Variants in TBX4 observed in about 807,000 individuals in gnomAD.
TBX4 encodes T-box transcription factor TBX4.
In TBX4, 13 loss-of-function variants were observed where a neutral mutation model predicts 54.6. The observed-to-expected ratio is 0.24, with a 90% CI of 0.15 to 0.38. The LOEUF is 0.38. TBX4 is among the 10% of genes least tolerant of loss of function. TBX4 has a pLI of 1.00. For synonymous variants in TBX4, 314 were observed against 306.7 expected (o/e 1.02, Z -0.25); for missense variants, 631 against 728.5 (o/e 0.87, Z 1.54).
In TBX4 at chr17:61,465,893, TTG is replaced by T; in HGVS notation, c.358_359del (p.Val120ProfsTer4). 1 of 1,614,164 alleles carries T rather than the reference TTG, an allele frequency of 6.2e-7. No individual in the cohort carries two copies. Among genetic ancestry groups the T allele is most frequent in the Non-Finnish European group, 8.5e-7 (1 of 1,180,022 alleles). On this transcript the variant is annotated frameshift_variant, in exon 4 of 9. Transcript: ENST00000644296. LOFTEE classifies it high-confidence loss of function. The surrounding 1 kb of genome is among the most constrained non-coding windows in gnomAD (Gnocchi z 4.9). ...ACCAAGTATATCCTGCTGATTGACA[TTG>T]TCCCTGCCGATGACCATCGCTACAA...
rs759150888 is a variant in TBX4 at position 61,480,161 on chromosome 17, C to T, written c.863C>T (p.Pro288Leu). The T allele has an allele frequency of 1.1e-5, 17 of 1,614,148 alleles. No individual in the cohort carries two copies. The highest frequency in any genetic ancestry group is 2.7e-5 in the African/African-American group (2 of 75,030). ...RLISPQLSAT[P>L]DVGPLLGTHQ... ...ATCTCCCCCCAGCTCTCAGCCACAC[C>T]GGACGTGGGCCCCCTGCTCGGCACC... The change falls in exon 8 of 9, where the codon CCG becomes CTG. Residue 288 changes from proline to leucine, a missense_variant. By Grantham distance (98) the Pro-to-Leu change is moderately conservative. This residue lies in a region of TBX4 where 354 missense variants were observed against 368.9 expected (regional missense o/e 0.96). Coordinates refer to ENST00000644296, the MANE Select transcript of TBX4 (RefSeq NM_001321120.2). This position sits in a 1 kb window ranked among gnomAD's most constrained non-coding sequence, Gnocchi z 6.2.
At position 61,484,005 on chromosome 17, in the gene TBX4, A is replaced by C. The variant is rs2060686500; in HGVS notation, c.*489A>C. On this transcript the variant is annotated 3_prime_UTR_variant, in exon 9 of 9. Transcript: ENST00000644296. The surrounding 1 kb of genome is among the most constrained non-coding windows in gnomAD (Gnocchi z 4.1). ...CTTCTCTTTGCAAGGGGAGCTGAGAATCTGGTTTTGGTAGCAGGAGGCCCA... is the reference window on the plus strand; with the variant it reads ...CTTCTCTTTGCAAGGGGAGCTGAGACTCTGGTTTTGGTAGCAGGAGGCCCA... 5.8e-6 allele frequency: 1 copy of C among 172,178 alleles called. No homozygotes were observed. The highest frequency in any genetic ancestry group is 1.3e-5 in the Non-Finnish European group (1 of 79,438). 10.7% of individuals were successfully genotyped at this position (172,178 alleles called of 1,614,324 possible). A position where few individuals can be genotyped will look rare whatever the true frequency, so the allele number is the denominator to read the frequency against.
Position 61,478,729 on chromosome 17 carries a change from G to A in TBX4, c.652G>A (p.Val218Met), listed in dbSNP as rs201328365. 1.2e-4 allele frequency: 197 copies of A among 1,614,162 alleles called. No homozygotes were observed. The highest frequency in any genetic ancestry group is 2.3e-4 in the Admixed American group (14 of 60,022). ...CAAAAACACTGCTTTCTGCACCCAC[G>A]TGTTCCCAGAGACCTCCTTCATCTC... ...GSKNTAFCTHVFPETSFISVT... is the reference protein window; with the variant it reads ...GSKNTAFCTHMFPETSFISVT... Residue 218 changes from valine (V) to methionine (M), a missense_variant, in exon 6 of 9, where the codon GTG (valine) becomes ATG (methionine). Physicochemically the swap from Val to Met is conservative, Grantham distance 21. This residue lies in a region of TBX4 where 154 missense variants were observed against 238.6 expected (regional missense o/e 0.65). Transcript: ENST00000644296. This position sits in a 1 kb window ranked among gnomAD's most constrained non-coding sequence, Gnocchi z 7.4.
chr17:61,460,359 AG>A lies in TBX4; in HGVS notation c.281+2729del, dbSNP rs1422719623. 6.6e-6 allele frequency: 1 copy of A among 152,256 alleles called. No homozygotes were observed. The highest frequency in any genetic ancestry group is 2.4e-5 in the African/African-American group (1 of 41,456). The allele number at this position is 152,256 out of a possible 1,614,324, so 9.4% of individuals were successfully genotyped here. On this transcript the variant is annotated intron_variant, in intron 3 of 8. Transcript: ENST00000644296. The surrounding 1 kb of genome is among the most constrained non-coding windows in gnomAD (Gnocchi z 4.4). ...GCCAGAATGTTCTCAAGCCAGGTTG[AG>A]TTCTCAGATCACAAGTTTCCTTCCT...
At chr17:61,467,023 G>A (rs2060542121) in intron 4 of TBX4, among the ~76,000 whole-genome samples, 1 of 152,106 alleles carries the variant, frequency 6.6e-6, no homozygotes, top group Non-Finnish European at 1.5e-5. Context: ...ACTGGGCATG[G>A]AGGTGCATGC....
chr17:61,457,421 TGGGCTCCGGGCGGGCA>T lies in TBX4; in HGVS notation c.187-112_187-97del, dbSNP rs2060460351. On this transcript the variant is annotated intron_variant, in intron 2 of 8. Transcript: ENST00000644296. This position sits in a 1 kb window ranked among gnomAD's most constrained non-coding sequence, Gnocchi z 8.2. ...TTCTGTGAAACGAAATCTGGAGCCA[TGGGCTCCGGGCGGGCA>T]GGGTTCCGCACAGCTCTTCGGGTCT... 6.9e-6 allele frequency: 6 copies of T among 870,916 alleles called. No homozygotes were observed. The East Asian group carries it at 1.5e-4, about 21-fold the overall frequency. 53.9% of individuals were successfully genotyped at this position (870,916 alleles called of 1,614,324 possible). A position where few individuals can be genotyped will look rare whatever the true frequency, so the allele number is the denominator to read the frequency against.
Position 61,478,933 on chromosome 17 carries a change from G to A in TBX4, c.702+154G>A, listed in dbSNP as rs144982256. On this transcript the variant is annotated intron_variant, in intron 6 of 8. Coordinates refer to ENST00000644296, the MANE Select transcript of TBX4 (RefSeq NM_001321120.2). The surrounding 1 kb of genome is among the most constrained non-coding windows in gnomAD (Gnocchi z 7.4). ...CAGAAGCCTAGAGTCCCTCGGAGCC[G>A]CGAGCAAATCGAATGATGAACAGAA... 33 of 1,152,308 alleles carry A rather than the reference G, an allele frequency of 2.9e-5. No homozygotes were observed. The highest frequency in any genetic ancestry group is 2.7e-4 in the Middle Eastern group (1 of 3,720). 71.4% of individuals were successfully genotyped at this position (1,152,308 alleles called of 1,614,324 possible). A position where few individuals can be genotyped will look rare whatever the true frequency, so the allele number is the denominator to read the frequency against.
In TBX4 at chr17:61,484,531, A is replaced by C. The variant is rs574499830; in HGVS notation, c.*1015A>C. On this transcript the variant is annotated 3_prime_UTR_variant, in exon 9 of 9. Transcript: ENST00000644296. This position sits in a 1 kb window ranked among gnomAD's most constrained non-coding sequence, Gnocchi z 4.1. The stretch of plus-strand genomic sequence containing the variant: ...GGAGCGAGAAAGGCCAACAGAAATA[A>C]AGATAGTTGAAAAAAATTTGTTTCT... 2 of 152,174 alleles carry C rather than the reference A, an allele frequency of 1.3e-5. No homozygotes were observed. The highest frequency in any genetic ancestry group is 4.1e-4 in the South Asian group (2 of 4,824). 9.4% of individuals were successfully genotyped at this position (152,174 alleles called of 1,614,324 possible).
rs1196053667 is a variant in TBX4, at chr17:61,465,681, C to T, written c.282-138C>T. The stretch of plus-strand genomic sequence containing the variant: ...AGAGGGGGAAGTGAGTTGTGCAGGT[C>T]ACACAGCTGTGACCAATGCCAGGAT... On this transcript the variant is annotated intron_variant, in intron 3 of 8. Coordinates refer to ENST00000644296, the MANE Select transcript of TBX4 (RefSeq NM_001321120.2). The surrounding 1 kb of genome is among the most constrained non-coding windows in gnomAD (Gnocchi z 4.9). 4 of 1,154,100 alleles carry T rather than the reference C, an allele frequency of 3.5e-6. No homozygotes were observed. The highest frequency in any genetic ancestry group is 1.5e-5 in the African/African-American group (1 of 65,896). The allele number at this position is 1,154,100 out of a possible 1,614,324, so 71.5% of individuals were successfully genotyped here.
chr17:61,459,029 G>A lies in TBX4; in HGVS notation c.281+1398G>A, dbSNP rs2060475311. 6.6e-6 allele frequency among the ~76,000 whole-genome samples: 1 copy of A among 152,258 alleles called. No homozygotes were observed. Among genetic ancestry groups the A allele is most frequent in the African/African-American group, 2.4e-5 (1 of 41,470 alleles). ...CCACCCTCAGGCCTTAGCCAGGGAG[G>A]TGGCATCACCACTCAGGGCCTCTAT... On this transcript the variant is annotated intron_variant, in intron 3 of 8. Transcript: ENST00000644296. The surrounding 1 kb of genome is among the most constrained non-coding windows in gnomAD (Gnocchi z 4.8).
At chr17:61,463,338 A>G (rs1009636741) in intron 3 of TBX4, 3 of 152,420 alleles carry the variant, frequency 2.0e-5, no homozygotes, top group Non-Finnish European at 4.4e-5. Context: ...CCTTAGGTAG[A>G]GGGGAATTGG....
chr17:61,473,170 A>G (rs896880908), intron 5 of TBX4, among the ~76,000 whole-genome samples: 1 of 152,148 alleles, frequency 6.6e-6, no homozygotes, highest in African/African-American at 2.4e-5. Context: ...GTTCTTCAAA[A>G]CGTATTCAGG....
In TBX4 at chr17:61,473,439, T is replaced by C. The variant is rs562456742; in HGVS notation, c.550-5188T>C. ...CATGAGAAACTCCTGAAGGGGGTGG[T>C]AATCAGACAGCAAAGCCACTTCCCC... On this transcript the variant is annotated intron_variant, in intron 5 of 8. Coordinates refer to ENST00000644296, the MANE Select transcript of TBX4 (RefSeq NM_001321120.2). Among the ~76,000 whole-genome samples the C allele has an allele frequency of 5.9e-5, 9 of 152,318 alleles. No homozygotes were observed. The East Asian group carries it at 1.7e-3, about 29-fold the overall frequency.
chr17:61,470,306 G>A (rs1460924160), intron 5 of TBX4, among the ~76,000 whole-genome samples: 1 of 152,130 alleles, frequency 6.6e-6, no homozygotes, highest in African/African-American at 2.4e-5. Context: ...TCGGGGAGGG[G>A]GTGTGGAACA....
At chr17:61,469,212 T>C (rs2060558102) in intron 5 of TBX4, among the ~76,000 whole-genome samples, 1 of 152,196 alleles carries the variant, frequency 6.6e-6, no homozygotes, top group Non-Finnish European at 1.5e-5. Flanking sequence ...AGTTAAGGGC[T>C]GGAAAGCTGC....
chr17:61,482,832 A>G (rs1603256002), intron 8 of TBX4, 65 bp from the exon 9 acceptor site: 1 of 1,598,206 alleles, frequency 6.3e-7, no homozygotes, highest in East Asian at 2.2e-5. Flanking sequence ...CCCAGCATCC[A>G]ACAGGGTGCT....
rs1235276460 is a variant in TBX4, at chr17:61,481,088, A to C, written c.1021+769A>C. Among the ~76,000 whole-genome samples the C allele has an allele frequency of 1.3e-5, 2 of 152,208 alleles. No homozygotes were observed. Among genetic ancestry groups the C allele is most frequent in the East Asian group, 3.9e-4 (2 of 5,192 alleles). On this transcript the variant is annotated intron_variant, in intron 8 of 8. Transcript: ENST00000644296. The surrounding 1 kb of genome is among the most constrained non-coding windows in gnomAD (Gnocchi z 4.8). ...CCCTGGTCCTAGGGACTAGCCCAGC[A>C]GAGCTCCGAGATCCCCTGTACAAGT...
In TBX4 at chr17:61,454,946, G is replaced by A. The variant is rs113208451; in HGVS notation, c.-3-1542G>A. Among the ~76,000 whole-genome samples the A allele has an allele frequency of 3.0e-3, 463 of 152,320 alleles. 3 individuals are homozygous for A. Among genetic ancestry groups the A allele is most frequent in the African/African-American group, 0.01 (427 of 41,582 alleles). ...GGCCCTAGATATAGTTGGACCCAGC[G>A]CGCTGGCCGGAGCGGGCAGCTACCC... is the stretch of plus-strand genomic sequence containing the variant. On this transcript the variant is annotated intron_variant, in intron 1 of 8. Transcript: ENST00000644296.
At chr17:61,477,182 G>T (rs767417342) in intron 5 of TBX4, among the ~76,000 whole-genome samples, 1 of 152,248 alleles carries the variant, frequency 6.6e-6, no homozygotes, top group African/African-American at 2.4e-5. Context: ...GACAGAAACC[G>T]AAGGGTTAAC....
Sources: gnomAD v4.1 joint callset for allele counts (sites outside exome capture counted in the v4.1 genomes callset) on GRCh38, gnomAD v4.1.1 for gene constraint, gnomAD v4.1.1 regional missense constraint, Gnocchi (gnomAD v3.1) non-coding constraint, MANE v1.5 for transcripts, NCBI Gene and HGNC (gene_info 2026-07-23, HGNC 2026-07-21) for gene names.